Variants in SFI1 observed in about 807,000 individuals in gnomAD.
The protein encoded by SFI1 is SFI1 centrin binding protein.
SFI1 carries 195 observed loss-of-function variants against 207.5 expected under a neutral mutation model. The observed-to-expected ratio is 0.94, with a 90% CI of 0.84 to 1.06. The LOEUF (loss-of-function observed/expected upper bound fraction) is 1.06. SFI1 is among the 50% of genes least tolerant of loss of function. The pLI, the probability that SFI1 is intolerant of heterozygous loss-of-function variation, is 0.00. For synonymous variants in SFI1, 630 were observed against 598.9 expected (o/e 1.05, Z -0.76); for missense variants, 1,634 against 1,588.0 (o/e 1.03, Z -0.49).
At chr22:31,584,603 T>G (rs935446449) in intron 13 of SFI1, among the ~76,000 whole-genome samples, 7 of 152,188 alleles carry the variant, frequency 4.6e-5, no homozygotes, top group African/African-American at 1.7e-4. Flanking sequence ...ATTTGCATAG[T>G]TTAGCTCCAA....
At chr22:31,563,442 T>C (rs2061935472) in intron 8 of SFI1, among the ~76,000 whole-genome samples, 1 of 152,136 alleles carries the variant, frequency 6.6e-6, no homozygotes, top group Non-Finnish European at 1.5e-5. Context: ...AAACTAAACA[T>C]AATGAGACTG....
In SFI1 at chr22:31,610,518, C is replaced by G. The variant is rs571236564; in HGVS notation, c.2255-625C>G. 5.9e-5 allele frequency among the ~76,000 whole-genome samples: 9 copies of G among 152,356 alleles called. No individual in the cohort carries two copies. The South Asian group carries it at 1.9e-3, about 32-fold the overall frequency. On this transcript the variant is annotated intron_variant, in intron 22 of 32. Coordinates refer to ENST00000400288, the MANE Select transcript of SFI1 (RefSeq NM_001007467.3). Reference sequence around the variant, plus strand: ...TGGCATCTGTGCCCTGCTCTCAACCCTGTTCTGTTGTCTCAAAAAGAAAGT... The same window carrying G: ...TGGCATCTGTGCCCTGCTCTCAACCGTGTTCTGTTGTCTCAAAAAGAAAGT...
intron 27 of SFI1, chr22:31,614,130 C>G: frequency 2.1e-6 from 1 of 471,042 alleles, no homozygotes; most frequent in Non-Finnish European, 3.8e-6. Flanking sequence ...TACCCTCTCT[C>G]CCGTCCTGCT....
Position 31,618,427 on chromosome 22 carries a change from C to T in SFI1, c.*9C>T. ...GGCAGGCCCTGTGCTAGCGTGTTCG[C>T]ACCAGGAACGCAGGTGCTGGGCTGT... On this transcript the variant is annotated 3_prime_UTR_variant, in exon 33 of 33. Coordinates refer to ENST00000400288, the MANE Select transcript of SFI1 (RefSeq NM_001007467.3). The T allele has an allele frequency of 2.6e-6, 4 of 1,555,550 alleles. No homozygotes were observed. The highest frequency in any genetic ancestry group is 3.5e-6 in the Non-Finnish European group (4 of 1,146,772).
intron 4 of SFI1, among the ~76,000 whole-genome samples, chr22:31,546,598 G>C (rs1277417658): frequency 6.6e-6 from 1 of 151,034 alleles, no homozygotes; most frequent in Non-Finnish European, 1.5e-5. Flanking sequence ...GGGATTACAG[G>C]TGTGAGGCAC....
chr22:31,507,057 A>G (rs541746451), intron 1 of SFI1, among the ~76,000 whole-genome samples: 1 of 152,324 alleles, frequency 6.6e-6, no homozygotes, highest in South Asian at 2.1e-4. Context: ...GGACAATCCT[A>G]AGCAAAAAGA....
intron 7 of SFI1, among the ~76,000 whole-genome samples, chr22:31,560,694 C>G (rs953635379): frequency 6.8e-6 from 1 of 148,024 alleles, no homozygotes; most frequent in South Asian, 2.1e-4. Context: ...TGAGCCACCA[C>G]GCCTGGCCTT....
intron 2 of SFI1, among the ~76,000 whole-genome samples, chr22:31,517,218 A>G (rs2056654424): frequency 6.6e-6 from 1 of 152,086 alleles, no homozygotes; most frequent in African/African-American, 2.4e-5. Flanking sequence ...GGTTTAAGGA[A>G]TCTATTTCTT....
At chr22:31,548,613 A>T (rs980211888) in intron 5 of SFI1, among the ~76,000 whole-genome samples, 10 of 151,508 alleles carry the variant, frequency 6.6e-5, no homozygotes, top group Non-Finnish European at 1.5e-4. Flanking sequence ...ACTGTACTCC[A>T]GCCTGGGCAA....
intron 8 of SFI1, among the ~76,000 whole-genome samples, chr22:31,567,088 G>A (rs910945215): frequency 3.9e-5 from 6 of 152,054 alleles, no homozygotes; most frequent in African/African-American, 1.2e-4. Context: ...TGTATTTTTA[G>A]TAGAGACGGG....
chr22:31,613,554 G>A (rs1269075245), intron 26 of SFI1, 24 bp downstream of exon 26: 4 of 1,580,236 alleles, frequency 2.5e-6, no homozygotes, highest in Non-Finnish European at 3.4e-6. Flanking sequence ...CCCTTCCTGT[G>A]GGGAGCAGGC....
intron 15 of SFI1, 43 bp downstream of exon 15, chr22:31,589,620 A>T (rs759848820): frequency 5.7e-6 from 9 of 1,577,272 alleles, no homozygotes; most frequent in South Asian, 3.5e-5. Context: ...AGGTGTTTCA[A>T]ATCTAACTCT....
At chr22:31,519,238 G>A (rs576976333) in intron 2 of SFI1, among the ~76,000 whole-genome samples, 4 of 151,520 alleles carry the variant, frequency 2.6e-5, no homozygotes, top group Admixed American at 6.6e-5. Context: ...GAAAACCAGC[G>A]AACTATGCAT....
At chr22:31,582,204 TTTTATATATATATATATATATATA>T (rs1227089072) in intron 12 of SFI1, among the ~76,000 whole-genome samples, 2 of 16,004 alleles carry the variant, frequency 1.2e-4, no homozygotes, top group East Asian at 5.7e-3. Flanking sequence ...CTTTATTACA[TTTTATATATATATATATATATATA>T]TATATATATT....
chr22:31,583,872 T>A lies in SFI1; in HGVS notation c.1249-3T>A. 2.5e-6 allele frequency: 4 copies of A among 1,613,742 alleles called. No individual in the cohort carries two copies. Among genetic ancestry groups the A allele is most frequent in the Non-Finnish European group, 3.4e-6 (4 of 1,179,664 alleles). The stretch of plus-strand genomic sequence containing the variant: ...TTTCCATCTTCTTCCTCCCTTGCTT[T>A]AGCTGCTGCACAGGTTCTGGAACCT... On this transcript the variant is annotated splice_polypyrimidine_tract_variant and splice_region_variant and intron_variant, in intron 12 of 32. Coordinates refer to ENST00000400288, the MANE Select transcript of SFI1 (RefSeq NM_001007467.3).
chr22:31,542,947 C>T (rs1444360507), intron 4 of SFI1, among the ~76,000 whole-genome samples: 1 of 150,284 alleles, frequency 6.7e-6, no homozygotes, highest in Non-Finnish European at 1.5e-5. Context: ...CACGTGTGAG[C>T]CACTGTGCCT....
At chr22:31,544,660 T>C (rs2059907448) in intron 4 of SFI1, among the ~76,000 whole-genome samples, 1 of 151,604 alleles carries the variant, frequency 6.6e-6, no homozygotes, top group Non-Finnish European at 1.5e-5. Context: ...GAGGCTGAGG[T>C]GGAAGGATCA....
At position 31,608,046 on chromosome 22, in the gene SFI1, CCAGAAG is replaced by C; in HGVS notation, c.2254+16_2254+21del. The stretch of plus-strand genomic sequence containing the variant: ...GTGCTGGACAGGGGTAAGTGGGGCC[CCAGAAG>C]CAAGTCATGTTGAGGAATGTGAAGA... On this transcript the variant is annotated intron_variant, in intron 22 of 32. Transcript: ENST00000400288. 1 of 1,610,766 alleles carries C rather than the reference CCAGAAG, an allele frequency of 6.2e-7. No individual in the cohort carries two copies. Among genetic ancestry groups the C allele is most frequent in the Non-Finnish European group, 8.5e-7 (1 of 1,177,354 alleles).
intron 4 of SFI1, among the ~76,000 whole-genome samples, chr22:31,535,185 CTTT>C (rs36035505): frequency 1.1e-4 from 12 of 111,804 alleles, no homozygotes; most frequent in Admixed American, 1.9e-4. Context: ...TTTTTTATTG[CTTT>C]TTTTTTTTTT....
Sources: gnomAD v4.1 joint callset for allele counts (sites outside exome capture counted in the v4.1 genomes callset) on GRCh38, gnomAD v4.1.1 for gene constraint, MANE v1.5 for transcripts, NCBI Gene and HGNC (gene_info 2026-07-23, HGNC 2026-07-21) for gene names.